Variants in RAB40C observed in about 807,000 individuals in gnomAD.
The protein encoded by RAB40C is RAB40C, member RAS oncogene family.
In RAB40C, 8 loss-of-function variants were observed where a neutral mutation model predicts 28.1. The ratio of observed to expected loss-of-function variants is 0.28; its 90% CI spans 0.17 to 0.51. The LOEUF is 0.51. Among genes scored for constraint, RAB40C ranks in the 20% least tolerant of loss-of-function variants. The pLI is 0.97. For missense variants in RAB40C, 288 were observed against 405.9 expected, an observed-to-expected ratio of 0.71 and a Z score of 2.50; for synonymous variants, 201 against 171.7, an observed-to-expected ratio of 1.17 and a Z score of -1.34.
At position 627,759 on chromosome 16, in the gene RAB40C, T is replaced by A. The variant is rs749319139; in HGVS notation, c.*137T>A. 4.1e-4 allele frequency: 454 copies of A among 1,120,430 alleles called. 1 individual carries two copies. The highest frequency in any genetic ancestry group is 4.9e-4 in the Non-Finnish European group (407 of 822,798). 69.4% of individuals were successfully genotyped at this position (1,120,430 alleles called of 1,614,324 possible). On this transcript the variant is annotated 3_prime_UTR_variant, in exon 6 of 6. Coordinates refer to ENST00000248139, the MANE Select transcript of RAB40C (RefSeq NM_021168.5). The stretch of plus-strand genomic sequence containing the variant: ...AGAAGCGCCGGGCTTTCCTCACACC[T>A]GAGCCGGGTGCGAGGAGGAGCATGC...
chr16:613,490 C>T (rs1178118783), intron 1 of RAB40C, among the ~76,000 whole-genome samples: 1 of 152,264 alleles, frequency 6.6e-6, no homozygotes, highest in East Asian at 1.9e-4. Context: ...GAGGGCCTGG[C>T]TTCTGCACGC....
In RAB40C at chr16:619,683, C is replaced by CCTGGGT. The variant is rs781442042; in HGVS notation, c.264+1434_264+1439dup. On this transcript the variant is annotated intron_variant, in intron 3 of 5. Coordinates refer to ENST00000248139, the MANE Select transcript of RAB40C (RefSeq NM_021168.5). ...CCCCCATGTGGGCCCAGGGAGGCCG[C>CCTGGGT]CTGGGTCTGGGTCTGGATCCTTCTT... 1.2e-3 allele frequency among the ~76,000 whole-genome samples: 177 copies of CCTGGGT among 152,282 alleles called. 1 individual carries two copies. The highest frequency in any genetic ancestry group is 1.7e-3 in the Non-Finnish European group (118 of 68,012).
intron 5 of RAB40C, among the ~76,000 whole-genome samples, chr16:626,811 A>T (rs1481213854): frequency 6.6e-6 from 1 of 152,206 alleles, no homozygotes. Flanking sequence ...GGTGACGCAC[A>T]CCTGTAGTCC....
At chr16:608,727 G>C (rs540048202) in intron 1 of RAB40C, among the ~76,000 whole-genome samples, 1 of 152,256 alleles carries the variant, frequency 6.6e-6, no homozygotes, top group South Asian at 2.1e-4. Flanking sequence ...AAAAAAATTA[G>C]CTGGGCATGG....
chr16:617,881 C>A (rs1180754470), intron 2 of RAB40C, among the ~76,000 whole-genome samples: 1 of 152,124 alleles, frequency 6.6e-6, no homozygotes, highest in African/African-American at 2.4e-5. Flanking sequence ...AGAACGTCAG[C>A]GTTGATGAGA....
At chr16:590,852 G>C (rs1198400936) in intron 1 of RAB40C, among the ~76,000 whole-genome samples, 1 of 149,340 alleles carries the variant, frequency 6.7e-6, no homozygotes, top group Non-Finnish European at 1.5e-5. Context: ...GGGCTCGGGG[G>C]AAGGTGTCGT....
At chr16:589,819 C>T (rs111490416), upstream of RAB40C, 27,688 of 151,954 alleles carry the variant, frequency 0.18, 2,737 homozygotes, top group South Asian at 0.26. Flanking sequence ...GTGGGAAAGG[C>T]GGGGGAGGGG....
Position 590,259 on chromosome 16 carries a change from A to C in RAB40C, c.-33A>C, listed in dbSNP as rs1211435935. On this transcript the variant is annotated 5_prime_UTR_variant, in exon 1 of 6. Transcript: ENST00000248139. ...CGGCCTCACCCGGCGGTGCTTCGGC[A>C]GGCGGCCGGCGCGGGGCGCAGGCGG... 4 of 1,429,832 alleles carry C rather than the reference A, an allele frequency of 2.8e-6. No homozygotes were observed. The East Asian group carries it at 9.2e-5, about 33-fold the overall frequency. The allele number at this position is 1,429,832 out of a possible 1,614,324, so 88.6% of individuals were successfully genotyped here.
intron 1 of RAB40C, among the ~76,000 whole-genome samples, chr16:594,354 G>A (rs746699434): frequency 1.1e-4 from 16 of 152,156 alleles, no homozygotes; most frequent in Non-Finnish European, 2.2e-4. Context: ...GGAGGGAGGC[G>A]GTTGTGGACA....
chr16:591,883 C>T (rs2036007362), intron 1 of RAB40C, among the ~76,000 whole-genome samples: 1 of 152,252 alleles, frequency 6.6e-6, no homozygotes, highest in Non-Finnish European at 1.5e-5. Flanking sequence ...ACGTGAGCCA[C>T]TGCGCCTGGC....
intron 1 of RAB40C, among the ~76,000 whole-genome samples, chr16:607,094 G>A (rs1472076110): frequency 2.6e-5 from 4 of 152,176 alleles, no homozygotes; most frequent in African/African-American, 9.6e-5. Context: ...AGCCTCCCTC[G>A]GCTGCCTTAC....
rs986949136 is a variant in RAB40C, at chr16:610,008, T to G, written c.143-7200T>G. Among the ~76,000 whole-genome samples, 8 of 150,748 alleles carry G rather than the reference T, an allele frequency of 5.3e-5. No homozygotes were observed. The highest frequency in any genetic ancestry group is 2.0e-4 in the African/African-American group (8 of 40,880). ...AAACAGAATGGGTCCCACGGGAGGG[T>G]GGGGATGTGAACGGCACCAGCCTGG... On this transcript the variant is annotated intron_variant, in intron 1 of 5. Coordinates refer to ENST00000248139, the MANE Select transcript of RAB40C (RefSeq NM_021168.5). The surrounding 1 kb of genome is among the most constrained non-coding windows in gnomAD (Gnocchi z 4.6).
chr16:619,035 T>C, intron 3 of RAB40C, among the ~76,000 whole-genome samples: 1 of 99,962 alleles, frequency 1.0e-5, no homozygotes, highest in African/African-American at 4.2e-5. Context: ...TGTGGTGTAC[T>C]TGGAGCTGTG....
At chr16:603,770 G>A (rs1377991742) in intron 1 of RAB40C, among the ~76,000 whole-genome samples, 4 of 137,134 alleles carry the variant, frequency 2.9e-5, no homozygotes, top group African/African-American at 1.0e-4. Flanking sequence ...AGGCCCTGCC[G>A]AGTCAGCCCC....
chr16:594,939 C>T (rs1011836816), intron 1 of RAB40C, among the ~76,000 whole-genome samples: 1 of 151,970 alleles, frequency 6.6e-6, no homozygotes. Context: ...CCTGTCTCAG[C>T]CTCCTGAGTA....
At chr16:623,054 G>A (rs941672558) in intron 3 of RAB40C, among the ~76,000 whole-genome samples, 1 of 152,168 alleles carries the variant, frequency 6.6e-6, no homozygotes, top group Non-Finnish European at 1.5e-5. Context: ...GCCCCTGCCC[G>A]TAACCCCTAC....
chr16:604,559 G>A (rs1222685690), intron 1 of RAB40C, among the ~76,000 whole-genome samples: 1 of 151,330 alleles, frequency 6.6e-6, no homozygotes, highest in East Asian at 1.9e-4. Context: ...ATATATGTGA[G>A]TCTTTCTGAA....
In RAB40C at chr16:603,816, C is replaced by T. The variant is rs977560617; in HGVS notation, c.142+13383C>T. 2.0e-5 allele frequency among the ~76,000 whole-genome samples: 3 copies of T among 152,126 alleles called. No homozygotes were observed. In the South Asian group the frequency reaches 6.2e-4, roughly 32 times the overall value. ...CAGTCGGCTTCCATCACATGGGCTG[C>T]TTTTTCCTGTTCCAGACATCATGGA... On this transcript the variant is annotated intron_variant, in intron 1 of 5. Transcript: ENST00000248139.
At chr16:595,691 C>T (rs1567183552) in intron 1 of RAB40C, among the ~76,000 whole-genome samples, 1 of 151,910 alleles carries the variant, frequency 6.6e-6, no homozygotes, top group Non-Finnish European at 1.5e-5. Flanking sequence ...CAAGCTCCAC[C>T]TCCCGGGTTC....
Sources: gnomAD v4.1 joint callset for allele counts (sites outside exome capture counted in the v4.1 genomes callset) on GRCh38, gnomAD v4.1.1 for gene constraint, Gnocchi (gnomAD v3.1) non-coding constraint, MANE v1.5 for transcripts, NCBI Gene and HGNC (gene_info 2026-07-23, HGNC 2026-07-21) for gene names.